PARD3: variants seen among roughly 807,000 people sequenced by gnomAD.
PARD3 encodes the protein par-3 family cell polarity regulator, also known as partitioning defective 3 homolog.
Under a neutral mutation model 155.4 loss-of-function variants are expected in PARD3, and 75 were observed. That is an observed-to-expected ratio of 0.48 (90% CI 0.40 to 0.58). PARD3 has a LOEUF of 0.58. Ranked by LOEUF, PARD3 falls within the 20% of genes least tolerant of loss-of-function variation. The pLI, the probability that PARD3 is intolerant of heterozygous loss-of-function variation, is 0.00. For synonymous variants in PARD3, 576 were observed against 610.5 expected, an observed-to-expected ratio of 0.94 and a Z score of 0.83; for missense variants, 1,642 against 1,721.7, an observed-to-expected ratio of 0.95 and a Z score of 0.82.
intron 2 of PARD3, among the ~76,000 whole-genome samples, chr10:34,523,018 C>T (rs754757998): frequency 6.6e-5 from 10 of 152,174 alleles, no homozygotes; most frequent in East Asian, 1.9e-4. Context: ...ATTAATCAAA[C>T]GTAATAACCT....
chr10:34,711,116 C>T (rs2094443580), intron 1 of PARD3, among the ~76,000 whole-genome samples: 1 of 152,084 alleles, frequency 6.6e-6, no homozygotes, highest in Admixed American at 6.6e-5. Flanking sequence ...TTCAAGGCAG[C>T]TGATGAACTA....
rs34399388 is a variant in PARD3 at position 34,495,835 on chromosome 10, G to GA, written c.403+21143dup. On this transcript the variant is annotated intron_variant, in intron 3 of 24. Transcript: ENST00000374788. ...AGTTCTTAATGATATCTTTTAAAAA[G>GA]AAAAAAAAAAAAAACAGTAAACATG... 7.9e-3 allele frequency among the ~76,000 whole-genome samples: 933 copies of GA among 118,638 alleles called. 1 individual carries two copies. Among genetic ancestry groups the GA allele is most frequent in the Middle Eastern group, 0.03 (7 of 230 alleles). The allele number at this position is 118,638 out of a possible 152,430, so 77.8% of individuals were successfully genotyped here. A position where few individuals can be genotyped will look rare whatever the true frequency, so the allele number is the denominator to read the frequency against.
intron 2 of PARD3, 132 bp from the exon 3 acceptor site, chr10:34,517,291 G>T: frequency 2.8e-6 from 2 of 718,928 alleles, no homozygotes; most frequent in Non-Finnish European, 4.3e-6. Context: ...TAAGTTTTAC[G>T]AAGAAAAACC....
chr10:34,469,873 C>CATACACGG (rs1206465883), intron 4 of PARD3, among the ~76,000 whole-genome samples: 1 of 151,916 alleles, frequency 6.6e-6, no homozygotes, highest in East Asian at 1.9e-4. Context: ...AAGTGCACAC[C>CATACACGG]ATACACGGCA....
chr10:34,284,201 T>C lies in PARD3; in HGVS notation c.3110A>G (p.Lys1037Arg), dbSNP rs1232819562. 6.2e-7 allele frequency: 1 copy of C among 1,610,964 alleles called. No individual in the cohort carries two copies. The highest frequency in any genetic ancestry group is 8.5e-7 in the Non-Finnish European group (1 of 1,178,616). Residue 1037 changes from lysine to arginine, a missense_variant, in exon 21 of 25, where the codon AAA (lysine) becomes AGA (arginine). Physicochemically the swap from Lys to Arg is conservative, Grantham distance 26 (BLOSUM62 2). Transcript: ENST00000374788. ...TGTAAAGGATTCCTGTATTTTTATTTTACCCGTTTTCTCAATCTTGTCATC... is the reference window on the plus strand; with the variant it reads ...TGTAAAGGATTCCTGTATTTTTATTCTACCCGTTTTCTCAATCTTGTCATC... ...RKDDKIEKTG[K>R]IKIQESFTSE...
intron 22 of PARD3, among the ~76,000 whole-genome samples, chr10:34,139,786 G>T (rs1370069728): frequency 6.6e-6 from 1 of 152,142 alleles, no homozygotes; most frequent in African/African-American, 2.4e-5. Context: ...TGACAAAGTG[G>T]ATACAAACAA....
intron 2 of PARD3, among the ~76,000 whole-genome samples, chr10:34,597,381 T>C (rs1427213787): frequency 6.6e-6 from 1 of 151,746 alleles, no homozygotes; most frequent in Non-Finnish European, 1.5e-5. Context: ...TAAGTTTTGC[T>C]GGCATCAACA....
intron 14 of PARD3, among the ~76,000 whole-genome samples, chr10:34,356,109 G>A (rs1838849227): frequency 1.3e-5 from 2 of 152,050 alleles, no homozygotes; most frequent in African/African-American, 4.8e-5. Context: ...GAATGACATA[G>A]TGCCTGCAGA....
At chr10:34,571,487 T>C (rs1228153909) in intron 2 of PARD3, among the ~76,000 whole-genome samples, 1 of 152,250 alleles carries the variant, frequency 6.6e-6, no homozygotes, top group Non-Finnish European at 1.5e-5. Flanking sequence ...ATCACTCATT[T>C]GGGCTTTACA....
At chr10:34,661,306 G>T (rs2093320012) in intron 2 of PARD3, among the ~76,000 whole-genome samples, 1 of 152,076 alleles carries the variant, frequency 6.6e-6, no homozygotes, top group Admixed American at 6.6e-5. Context: ...AATTAATAAA[G>T]GAACAGTTTA....
chr10:34,521,147 A>G (rs2082119442), intron 2 of PARD3, among the ~76,000 whole-genome samples: 2 of 152,330 alleles, frequency 1.3e-5, no homozygotes, highest in South Asian at 4.1e-4. Flanking sequence ...GAGCTTATAC[A>G]TATATATTAG....
chr10:34,648,173 A>G (rs990184383), intron 2 of PARD3, among the ~76,000 whole-genome samples: 1 of 152,220 alleles, frequency 6.6e-6, no homozygotes, highest in Admixed American at 6.5e-5. Context: ...GCATATGTGA[A>G]CCCCAGATGC....
At chr10:34,542,659 C>CAAAGTA (rs2083731539) in intron 2 of PARD3, among the ~76,000 whole-genome samples, 1 of 152,144 alleles carries the variant, frequency 6.6e-6, no homozygotes, top group Non-Finnish European at 1.5e-5. Context: ...GTAAGTGTAA[C>CAAAGTA]AGTAGCCTCT....
chr10:34,279,731 T>C (rs1431907960), intron 21 of PARD3, among the ~76,000 whole-genome samples: 2 of 152,008 alleles, frequency 1.3e-5, no homozygotes, highest in African/African-American at 4.8e-5. Flanking sequence ...CCACATAAAC[T>C]TGCAAAATGA....
At chr10:34,327,303 G>T (rs562669303) in intron 19 of PARD3, among the ~76,000 whole-genome samples, 4 of 152,264 alleles carry the variant, frequency 2.6e-5, no homozygotes, top group Middle Eastern at 3.4e-3. Context: ...ACATGGAGAG[G>T]CCAGATGGAT....
chr10:34,284,058 TTAAAAAAGAAGAAAGTAGA>T, intron 21 of PARD3, 58 bp downstream of exon 21: 4 of 836,866 alleles, frequency 4.8e-6, no homozygotes, highest in Non-Finnish European at 7.8e-6. Context: ...AATCTTTACA[TTAAAAAAGAAGAAAGTAGA>T]AAGAAAAAAA....
chr10:34,720,448 C>CAAAAAAA (rs10603866), intron 1 of PARD3, among the ~76,000 whole-genome samples: 2 of 56,872 alleles, frequency 3.5e-5, no homozygotes, highest in African/African-American at 6.8e-5. Flanking sequence ...AAGGCTCTGT[C>CAAAAAAA]AAAAAAAAAA....
Position 34,345,566 on chromosome 10 carries a change from C to A in PARD3, c.2218+2399G>T. ...CCAAACAGTCTGAGGAATATCTATG[C>A]GCCTAGATACTGTGCAAATCAATAA... On this transcript the variant is annotated intron_variant, in intron 15 of 24. Coordinates refer to ENST00000374788, the MANE Select transcript of PARD3 (RefSeq NM_001184785.2). 4 of 985,000 alleles carry A rather than the reference C, an allele frequency of 4.1e-6. No individual in the cohort carries two copies. In the South Asian group the frequency reaches 1.9e-4, roughly 46 times the overall value. 61.0% of individuals were successfully genotyped at this position (985,000 alleles called of 1,614,324 possible).
At chr10:34,426,548 G>C (rs1227801994) in intron 5 of PARD3, 1 of 152,108 alleles carries the variant, frequency 6.6e-6, no homozygotes, top group African/African-American at 2.4e-5. Context: ...ACTTAAGAAT[G>C]AGTAATTACA....
Sources: allele counts gnomAD v4.1 joint callset (sites outside exome capture counted in the v4.1 genomes callset), GRCh38; gene constraint gnomAD v4.1.1; transcripts MANE v1.5; gene names NCBI Gene and HGNC (gene_info 2026-07-23, HGNC 2026-07-21).